The following NUP107 variants were observed in gnomAD, a reference collection of about 807,000 sequenced individuals.
NUP107 encodes nuclear pore complex protein Nup107.
A neutral mutation model predicts 141.0 loss-of-function variants in NUP107; 101 were observed. The observed-to-expected ratio is 0.72, with a 90% CI of 0.61 to 0.84. The LOEUF is 0.84. NUP107 is among the 40% of genes least tolerant of loss of function. The pLI is 0.00. For synonymous variants in NUP107, 319 were observed against 363.9 expected (o/e 0.88, Z 1.41); for missense variants, 941 against 1,102.7 (o/e 0.85, Z 2.08).
At chr12:68,741,217 T>G (rs918192110) in intron 26 of NUP107, among the ~76,000 whole-genome samples, 1 of 152,186 alleles carries the variant, frequency 6.6e-6, no homozygotes, top group Non-Finnish European at 1.5e-5. Context: ...GAAAGATCCA[T>G]GTATGTATAA....
intron 6 of NUP107, among the ~76,000 whole-genome samples, chr12:68,699,223 A>T (rs903533858): frequency 6.6e-6 from 1 of 152,208 alleles, no homozygotes; most frequent in East Asian, 1.9e-4. Context: ...ATGCAAAAAA[A>T]TTAGTGGAGT....
chr12:68,721,199 T>G lies in NUP107; in HGVS notation c.1311+22T>G. 5 of 1,534,644 alleles carry G rather than the reference T, an allele frequency of 3.3e-6. No homozygotes were observed. The Admixed American group carries it at 9.1e-5, about 28-fold the overall frequency. On this transcript the variant is annotated intron_variant, in intron 15 of 27. Transcript: ENST00000229179. ...GCAGGTATGCAATCTGTTTTAATGT[T>G]TAAATTTTTTCTGTGGAGTAAAATT...
chr12:68,740,578 C>T (rs1878282057), intron 26 of NUP107, among the ~76,000 whole-genome samples: 1 of 152,082 alleles, frequency 6.6e-6, no homozygotes, highest in African/African-American at 2.4e-5. Flanking sequence ...ACTTACATGT[C>T]CATTTGAAAA....
intron 26 of NUP107, among the ~76,000 whole-genome samples, chr12:68,741,025 G>A (rs1454014729): frequency 2.6e-5 from 4 of 151,158 alleles, no homozygotes; most frequent in African/African-American, 4.9e-5. Flanking sequence ...CAGACTGGGC[G>A]ACAGAGTGAG....
chr12:68,718,586 G>A (rs1404297963), intron 12 of NUP107, among the ~76,000 whole-genome samples: 5 of 152,084 alleles, frequency 3.3e-5, no homozygotes, highest in Admixed American at 6.5e-5. Context: ...AGTGGGTGCC[G>A]TGGGAACGTA....
chr12:68,718,758 C>CT (rs1877217117), intron 12 of NUP107, among the ~76,000 whole-genome samples: 1 of 151,858 alleles, frequency 6.6e-6, no homozygotes, highest in Non-Finnish European at 1.5e-5. Flanking sequence ...TAATGAGACT[C>CT]TGTCTCTACA....
In NUP107 at chr12:68,743,766, G is replaced by A. The variant is rs551376181; in HGVS notation, c.*1304G>A. 4.7e-4 allele frequency: 71 copies of A among 152,278 alleles called. No individual in the cohort carries two copies. The highest frequency in any genetic ancestry group is 1.6e-3 in the African/African-American group (67 of 41,554). The allele number at this position is 152,278 out of a possible 1,614,324, so 9.4% of individuals were successfully genotyped here. ...GCCACCCCTAGAGACAGCTGGCTTG[G>A]GAAGCCTGAGATGGGATCATAGAAT... On this transcript the variant is annotated 3_prime_UTR_variant, in exon 28 of 28. Transcript: ENST00000229179.
chr12:68,687,352 G>A, intron 1 of NUP107: 1 of 807,272 alleles, frequency 1.2e-6, no homozygotes, highest in Non-Finnish European at 1.7e-6. Flanking sequence ...TCCTGGGGTG[G>A]GCGGGGTAGG....
intron 8 of NUP107, among the ~76,000 whole-genome samples, chr12:68,703,388 TAC>T (rs1351997209): frequency 3.3e-5 from 5 of 152,152 alleles, no homozygotes; most frequent in Admixed American, 2.6e-4. Flanking sequence ...CATACTTGTA[TAC>T]ACACACACAT....
At chr12:68,710,136 T>C (rs1220356872) in intron 10 of NUP107, 43 bp downstream of exon 10, 1 of 964,076 alleles carries the variant, frequency 1.0e-6, no homozygotes, top group African/African-American at 1.6e-5. Context: ...TCAATGTTGA[T>C]ATTGTTCATT....
intron 24 of NUP107, 40 bp downstream of exon 24, chr12:68,733,652 G>A (rs2136046984): frequency 6.4e-7 from 1 of 1,564,202 alleles, no homozygotes; most frequent in East Asian, 2.3e-5. Flanking sequence ...CCTACTTCAT[G>A]ATGATTTTTC....
chr12:68,736,072 G>A (rs1180558721), intron 26 of NUP107, among the ~76,000 whole-genome samples: 1 of 152,208 alleles, frequency 6.6e-6, no homozygotes, highest in Non-Finnish European at 1.5e-5. Flanking sequence ...GAAAGACATT[G>A]CAGCCTGACC....
At chr12:68,740,792 G>A (rs957279448) in intron 26 of NUP107, among the ~76,000 whole-genome samples, 18 of 152,008 alleles carry the variant, frequency 1.2e-4, no homozygotes. Flanking sequence ...GGGAGGCTGA[G>A]GCAGGAGGAT....
At chr12:68,716,362 CT>C (rs1877114218) in intron 12 of NUP107, among the ~76,000 whole-genome samples, 1 of 151,554 alleles carries the variant, frequency 6.6e-6, no homozygotes, top group African/African-American at 2.4e-5. Flanking sequence ...TCCTGAGTAA[CT>C]GGGACTACAG....
At chr12:68,734,930 A>G (rs1033818148) in intron 25 of NUP107, 97 bp downstream of exon 25, 2 of 1,317,930 alleles carry the variant, frequency 1.5e-6, no homozygotes, top group African/African-American at 3.0e-5. Context: ...TCTTTCGATC[A>G]TAACAGGTAA....
intron 24 of NUP107, among the ~76,000 whole-genome samples, chr12:68,734,297 CA>C (rs575961353): frequency 4.0e-5 from 6 of 148,590 alleles, no homozygotes; most frequent in Admixed American, 1.3e-4. Flanking sequence ...GTCTCAAAAA[CA>C]AAAAAAAAAT....
chr12:68,721,031 A>G (rs1877326865), intron 14 of NUP107, 87 bp from the exon 15 acceptor site: 1 of 817,032 alleles, frequency 1.2e-6, no homozygotes, highest in Non-Finnish European at 2.1e-6. Flanking sequence ...TCAGTCTAGA[A>G]GAGTTTGCAA....
chr12:68,732,573 G>C, intron 22 of NUP107, 64 bp from the exon 23 acceptor site: 1 of 932,410 alleles, frequency 1.1e-6, no homozygotes, highest in East Asian at 2.7e-5. Context: ...CTACTAATTT[G>C]TAGAATATCT....
chr12:68,715,936 T>C (rs1413638576), intron 12 of NUP107, among the ~76,000 whole-genome samples, 196 bp downstream of exon 12: 1 of 152,246 alleles, frequency 6.6e-6, no homozygotes, highest in Non-Finnish European at 1.5e-5. Context: ...ATCTAGTTTG[T>C]ACAACTCTAA....
Sources: gnomAD v4.1 joint callset for allele counts (sites outside exome capture counted in the v4.1 genomes callset) on GRCh38, gnomAD v4.1.1 for gene constraint, MANE v1.5 for transcripts, NCBI Gene and HGNC (gene_info 2026-07-23, HGNC 2026-07-21) for gene names.